INPP4B: variants seen among roughly 807,000 people sequenced by gnomAD.
INPP4B encodes the protein inositol polyphosphate-4-phosphatase type II B.
In INPP4B, 55 loss-of-function variants were observed where a neutral mutation model predicts 122.5. That is an observed-to-expected ratio of 0.45 (90% CI 0.36 to 0.56). The LOEUF is 0.56. Ranked by LOEUF, INPP4B falls within the 20% of genes least tolerant of loss-of-function variation. The pLI is 0.00. For synonymous variants in INPP4B, 403 were observed against 388.7 expected (o/e 1.04, Z -0.43); for missense variants, 1,000 against 1,097.7 (o/e 0.91, Z 1.26).
chr4:142,405,125 G>GGGGA, intron 6 of INPP4B, 81 bp downstream of exon 6: 2 of 690,142 alleles, frequency 2.9e-6, no homozygotes, highest in East Asian at 5.8e-5. Context: ...GGGTGGGGGG[G>GGGGA]AGGGAGAGAG....
chr4:142,192,820 T>C (rs1160318897), intron 15 of INPP4B, among the ~76,000 whole-genome samples: 1 of 152,194 alleles, frequency 6.6e-6, no homozygotes, highest in Non-Finnish European at 1.5e-5. Context: ...CAAGCAATAG[T>C]TGACACTAGA....
intron 2 of INPP4B, among the ~76,000 whole-genome samples, chr4:142,653,930 C>A (rs892388640): frequency 1.3e-5 from 2 of 152,088 alleles, no homozygotes; most frequent in Admixed American, 1.3e-4. Context: ...CATATGTTTA[C>A]TGTGGTATTA....
intron 1 of INPP4B, among the ~76,000 whole-genome samples, chr4:142,797,886 A>T (rs1777478697): frequency 6.6e-6 from 1 of 151,994 alleles, no homozygotes; most frequent in South Asian, 2.1e-4. Flanking sequence ...TCACTTGAGG[A>T]TGGTCTCATC....
At chr4:142,739,055 A>G (rs1164655719) in intron 1 of INPP4B, among the ~76,000 whole-genome samples, 2 of 152,100 alleles carry the variant, frequency 1.3e-5, no homozygotes, top group Non-Finnish European at 2.9e-5. Flanking sequence ...CACCATCAAC[A>G]ATGTCCAAAA....
chr4:142,179,124 G>A (rs934230618), intron 15 of INPP4B, among the ~76,000 whole-genome samples: 1 of 152,142 alleles, frequency 6.6e-6, no homozygotes, highest in Middle Eastern at 3.4e-3. Context: ...ATAATTAAAT[G>A]AGTTATATGA....
chr4:142,039,498 T>C (rs888319498), intron 25 of INPP4B, among the ~76,000 whole-genome samples: 2 of 152,076 alleles, frequency 1.3e-5, no homozygotes, highest in African/African-American at 4.8e-5. Flanking sequence ...TGTCTAAACA[T>C]TGCTTTGAAG....
At chr4:142,494,694 T>C (rs1162730757) in intron 2 of INPP4B, among the ~76,000 whole-genome samples, 2 of 152,214 alleles carry the variant, frequency 1.3e-5, no homozygotes, top group Non-Finnish European at 2.9e-5. Flanking sequence ...AATTGTCCTC[T>C]AGGTAATATG....
intron 7 of INPP4B, among the ~76,000 whole-genome samples, chr4:142,346,965 G>A (rs894688350): frequency 6.6e-6 from 1 of 152,026 alleles, no homozygotes; most frequent in African/African-American, 2.4e-5. Flanking sequence ...CAGGCATACT[G>A]ATATTCTCTA....
rs1828325508 is a variant in INPP4B, at chr4:142,537,383, C to A, written c.-190-74657G>T. Among the ~76,000 whole-genome samples the A allele has an allele frequency of 2.8e-5, 3 of 107,910 alleles. No individual in the cohort carries two copies. In the South Asian group the frequency reaches 9.8e-4, roughly 35 times the overall value. The allele number at this position is 107,910 out of a possible 152,430, so 70.8% of individuals were successfully genotyped here. On this transcript the variant is annotated intron_variant, in intron 2 of 25. Transcript: ENST00000262992. ...AGAAAAAAAACCAGTTATCAGAGAC[C>A]AGAGATTTTACATACAGTATATATA...
chr4:142,118,383 AC>A (rs1467513680), intron 21 of INPP4B, among the ~76,000 whole-genome samples: 2 of 152,094 alleles, frequency 1.3e-5, no homozygotes, highest in Non-Finnish European at 2.9e-5. Context: ...ATGCTATCTG[AC>A]TTCAAACTAT....
At chr4:142,307,291 C>A (rs908259140) in intron 8 of INPP4B, among the ~76,000 whole-genome samples, 1 of 152,120 alleles carries the variant, frequency 6.6e-6, no homozygotes, top group African/African-American at 2.4e-5. Flanking sequence ...AGCACACTCC[C>A]CTCCCACATA....
chr4:142,566,614 T>C (rs1731678496), intron 2 of INPP4B, among the ~76,000 whole-genome samples: 1 of 152,128 alleles, frequency 6.6e-6, no homozygotes, highest in Admixed American at 6.5e-5. Flanking sequence ...GGATAACACA[T>C]AGGAATGATT....
chr4:142,270,691 T>C lies in INPP4B; in HGVS notation c.587A>G (p.His196Arg). The change falls in exon 10 of 26, where the codon CAC becomes CGC. Residue 196 changes from histidine (H) to arginine (R), a missense_variant. By Grantham distance (29) the His-to-Arg change is conservative. Coordinates refer to ENST00000262992, the MANE Select transcript of INPP4B (RefSeq NM_001101669.3). ...TTGTCCCTGTACATCTGTGGTGATG[T>C]GGTCGGCTTCCCCATCCTCAATCTC... The part of the protein sequence containing the change: ...MGEIEDGEAD[H>R]ITTDVQGQKC... The C allele has an allele frequency of 6.2e-7, 1 of 1,612,018 alleles. No individual in the cohort carries two copies. The highest frequency in any genetic ancestry group is 8.5e-7 in the Non-Finnish European group (1 of 1,178,118).
rs1232873892 is a variant in INPP4B, at chr4:142,173,751, G to C, written c.1240C>G (p.Leu414Val). Residue 414 changes from leucine to valine, a missense_variant, in exon 16 of 26, where the codon CTC (leucine) becomes GTC (valine). Transcript: ENST00000262992. ...PENTAKAKEV[L>V]SNINQLQPLI... ...GGTTGTAGTTGATTGATGTTGCTGA[G>C]AACTTCCTTTGCTTTGGCTGTGTTT... 1 of 1,613,310 alleles carries C rather than the reference G, an allele frequency of 6.2e-7. No individual in the cohort carries two copies. Among genetic ancestry groups the C allele is most frequent in the Admixed American group, 1.7e-5 (1 of 59,922 alleles).
Position 142,206,282 on chromosome 4 carries a change from C to T in INPP4B, c.1072+2143G>A, listed in dbSNP as rs377409713. ...TGCACTGGGGATTAAGTTTCTAACA[C>T]GTGAATTTTGGGAGACACATTCAGG... is the stretch of plus-strand genomic sequence containing the variant. On this transcript the variant is annotated intron_variant, in intron 14 of 25. Coordinates refer to ENST00000262992, the MANE Select transcript of INPP4B (RefSeq NM_001101669.3). Among the ~76,000 whole-genome samples, 133 of 151,784 alleles carry T rather than the reference C, an allele frequency of 8.8e-4. 2 individuals carry two copies. The highest frequency in any genetic ancestry group is 2.9e-3 in the African/African-American group (121 of 41,398).
chr4:142,221,764 C>G (rs541673198), intron 12 of INPP4B, among the ~76,000 whole-genome samples: 1 of 152,036 alleles, frequency 6.6e-6, no homozygotes, highest in Non-Finnish European at 1.5e-5. Context: ...TGTAGCTGTT[C>G]GGTACTTACA....
intron 2 of INPP4B, chr4:142,474,260 GTCTGAACTCAGC>G (rs1218701283): frequency 6.6e-6 from 1 of 152,116 alleles, no homozygotes; most frequent in Non-Finnish European, 1.5e-5. Context: ...TCCCTCTTCT[GTCTGAACTCAGC>G]CAGTGAGTGC....
intron 2 of INPP4B, among the ~76,000 whole-genome samples, chr4:142,565,044 T>C (rs1731330970): frequency 1.3e-5 from 2 of 152,284 alleles, no homozygotes; most frequent in Admixed American, 1.3e-4. Flanking sequence ...TTCCTTAGCG[T>C]TCTTTAATAT....
intron 7 of INPP4B, among the ~76,000 whole-genome samples, chr4:142,396,497 C>T (rs1799424562): frequency 1.3e-5 from 2 of 152,026 alleles, no homozygotes; most frequent in South Asian, 4.1e-4. Context: ...ACTCAAATTA[C>T]TAGGAGTAGG....
Sources: gnomAD v4.1 joint callset for allele counts (sites outside exome capture counted in the v4.1 genomes callset) on GRCh38, gnomAD v4.1.1 for gene constraint, MANE v1.5 for transcripts, NCBI Gene and HGNC (gene_info 2026-07-23, HGNC 2026-07-21) for gene names.